CEL: variants seen among roughly 807,000 people sequenced by gnomAD.
CEL encodes bile salt-activated lipase.
A neutral mutation model predicts 57.1 loss-of-function variants in CEL; 39 were observed. The ratio of observed to expected loss-of-function variants is 0.68; its 90% CI spans 0.53 to 0.89. The LOEUF is 0.89. CEL is among the 40% of genes least tolerant of loss of function. The probability of loss-of-function intolerance (pLI) is 0.00; values close to 1 mark genes in which losing one functional copy is unlikely to be tolerated. For missense variants in CEL, 698 were observed against 915.0 expected, an observed-to-expected ratio of 0.76 and a Z score of 3.06; for synonymous variants, 314 against 396.6, an observed-to-expected ratio of 0.79 and a Z score of 2.48.
rs1479878208 is a variant in CEL, at chr9:133,064,444, T to A, written c.107T>A (p.Val36Asp). The change falls in exon 2 of 11, where the codon GTC becomes GAC. Residue 36 changes from valine to aspartate, a missense_variant. Val to Asp is a radical substitution (Grantham distance 152, BLOSUM62 -3). Coordinates refer to ENST00000372080, the MANE Select transcript of CEL (RefSeq NM_001807.6). ...VYTEGGFVEG[V>D]NKKLGLLGDS... ...ACAGAAGGTGGGTTCGTGGAAGGCG[T>A]CAATAAGAAGCTCGGCCTCCTGGGT... The A allele has an allele frequency of 5.0e-6, 8 of 1,613,862 alleles. No homozygotes were observed. The highest frequency in any genetic ancestry group is 6.8e-6 in the Non-Finnish European group (8 of 1,180,004).
chr9:133,065,714 C>CGG (rs1830166819), intron 4 of CEL, among the ~76,000 whole-genome samples: 1 of 151,972 alleles, frequency 6.6e-6, no homozygotes, highest in Non-Finnish European at 1.5e-5. Flanking sequence ...GGCGTGGTGG[C>CGG]GCTTGCCTGT....
In CEL at chr9:133,066,249, C is replaced by T. The variant is rs531956085; in HGVS notation, c.539-281C>T. On this transcript the variant is annotated intron_variant, in intron 4 of 10. Coordinates refer to ENST00000372080, the MANE Select transcript of CEL (RefSeq NM_001807.6). The surrounding 1 kb of genome is among the most constrained non-coding windows in gnomAD (Gnocchi z 4.3). The stretch of plus-strand genomic sequence containing the variant: ...CCACCCCCTCCAGCACCACACCAAC[C>T]CAACCTCCTGGGGACCCACCCCATA... Among the ~76,000 whole-genome samples, 44 of 152,170 alleles carry T rather than the reference C, an allele frequency of 2.9e-4. 1 individual carries two copies. The highest frequency in any genetic ancestry group is 9.4e-4 in the African/African-American group (39 of 41,472).
rs375595842 is a variant in CEL, at chr9:133,066,588, G to A, written c.597G>A (p.Ala199=). 112 of 1,613,846 alleles carry A rather than the reference G, an allele frequency of 6.9e-5. No homozygotes were observed. Among genetic ancestry groups the A allele is most frequent in the Non-Finnish European group, 8.1e-5 (96 of 1,180,038 alleles). Residue 199 remains alanine (A), a synonymous_variant, in exon 5 of 11, where the codon GCG becomes GCA. Transcript: ENST00000372080. This position sits in a 1 kb window ranked among gnomAD's most constrained non-coding sequence, Gnocchi z 4.3. ...TTGCTTGGGTGAAGAGGAATATCGC[G>A]GCCTTCGGGGGGGACCCCAACAACA... ...MAIAWVKRNI[A]AFGGDPNNIT...
intron 1 of CEL, among the ~76,000 whole-genome samples, chr9:133,062,621 C>T (rs1333585372): frequency 1.1e-3 from 154 of 145,998 alleles, no homozygotes; most frequent in Non-Finnish European, 1.2e-3. Flanking sequence ...AAAAATGAAA[C>T]ATACTAAAAA....
rs567325228 is a variant in CEL at position 133,064,082 on chromosome 9, C to T, written c.67-322C>T. On this transcript the variant is annotated intron_variant, in intron 1 of 10. Transcript: ENST00000372080. ...TCTTCCACATGGGGAAACTGAGGATCGGAGTCAAAGCTGGGCGGCCATAGC... is the reference window on the plus strand; with the variant it reads ...TCTTCCACATGGGGAAACTGAGGATTGGAGTCAAAGCTGGGCGGCCATAGC... 1.1e-4 allele frequency among the ~76,000 whole-genome samples: 16 copies of T among 152,330 alleles called. No individual in the cohort carries two copies. The South Asian group carries it at 2.1e-3, about 20-fold the overall frequency.
At position 133,066,476 on chromosome 9, in the gene CEL, A is replaced by C; in HGVS notation, c.539-54A>C. ...CACCTATGCTGATCTCCCCTCCTGG[A>C]GGCCAGGCCTGGGCCACTGGTCTCT... On this transcript the variant is annotated intron_variant, in intron 4 of 10. Transcript: ENST00000372080. This position sits in a 1 kb window ranked among gnomAD's most constrained non-coding sequence, Gnocchi z 4.3. 1.2e-6 allele frequency: 2 copies of C among 1,611,380 alleles called. No individual in the cohort carries two copies. The highest frequency in any genetic ancestry group is 1.7e-6 in the Non-Finnish European group (2 of 1,178,992).
chr9:133,065,601 C>A (rs1049664796), intron 4 of CEL, among the ~76,000 whole-genome samples: 2 of 152,078 alleles, frequency 1.3e-5, no homozygotes, highest in Non-Finnish European at 2.9e-5. Flanking sequence ...AATCCCAGCA[C>A]GTTGGGAGCC....
intron 4 of CEL, 142 bp downstream of exon 4, chr9:133,065,379 A>T: frequency 1.0e-6 from 1 of 966,482 alleles, no homozygotes. Context: ...CATGAGATGC[A>T]GGAGGCCCTT....
In CEL at chr9:133,066,960, GCAGGGCT is replaced by G; in HGVS notation, c.777+16_777+22del. 4 of 1,400,610 alleles carry G rather than the reference GCAGGGCT, an allele frequency of 2.9e-6. No homozygotes were observed. Among genetic ancestry groups the G allele is most frequent in the Non-Finnish European group, 4.0e-6 (4 of 989,092 alleles). The allele number at this position is 1,400,610 out of a possible 1,614,324, so 86.8% of individuals were successfully genotyped here. A position where few individuals can be genotyped will look rare whatever the true frequency, so the allele number is the denominator to read the frequency against. On this transcript the variant is annotated intron_variant, in intron 6 of 10. Coordinates refer to ENST00000372080, the MANE Select transcript of CEL (RefSeq NM_001807.6). The surrounding 1 kb of genome is among the most constrained non-coding windows in gnomAD (Gnocchi z 4.3). ...GGGCCAAAAAGGTAAACGGAGGAGG[GCAGGGCT>G]GGGCGGGGTGGGGGCTGTCCACATT...
intron 1 of CEL, 73 bp from the exon 2 acceptor site, chr9:133,064,331 C>G (rs1475813479): frequency 1.2e-6 from 2 of 1,601,734 alleles, no homozygotes; most frequent in African/African-American, 2.7e-5. Flanking sequence ...GCGGAGTCGG[C>G]TTGCCTTGCC....
At chr9:133,064,606 C>T in intron 2 of CEL, 34 bp from the exon 3 acceptor site, 1 of 1,613,748 alleles carries the variant, frequency 6.2e-7, no homozygotes. Context: ...GTGAGGGCGG[C>T]TGCCTTCCTC....
Position 133,066,625 on chromosome 9 carries a change from G to A in CEL, c.634G>A (p.Gly212Arg), listed in dbSNP as rs764081605. Residue 212 changes from glycine to arginine, a missense_variant, in exon 5 of 11, where the codon GGG becomes AGG. Gly to Arg is a moderately radical substitution (Grantham distance 125). This residue lies in a region of CEL where 327 missense variants were observed against 374.1 expected (regional missense o/e 0.87). Coordinates refer to ENST00000372080, the MANE Select transcript of CEL (RefSeq NM_001807.6). This position sits in a 1 kb window ranked among gnomAD's most constrained non-coding sequence, Gnocchi z 4.3. ...GGDPNNITLF[G>R]ESAGGASVSL... Reference sequence around the variant, plus strand: ...GGACCCCAACAACATCACGCTCTTCGGGGAGTCTGCTGGAGGTGCCAGCGT... The same window carrying A: ...GGACCCCAACAACATCACGCTCTTCAGGGAGTCTGCTGGAGGTGCCAGCGT... The A allele has an allele frequency of 5.6e-6, 9 of 1,613,602 alleles. No individual in the cohort carries two copies. Among genetic ancestry groups the A allele is most frequent in the African/African-American group, 1.3e-5 (1 of 74,904 alleles).
chr9:133,065,052 T>C lies in CEL; in HGVS notation c.353T>C (p.Leu118Pro). Residue 118 changes from leucine (L) to proline (P), a missense_variant, in exon 4 of 11, where the codon CTG becomes CCG. Coordinates refer to ENST00000372080, the MANE Select transcript of CEL (RefSeq NM_001807.6). ...TCCCCCATCTCAGTCTCCCGGGACC[T>C]GCCCGTTATGATCTGGATCTATGGA... ...PQGRKQVSRD[L>P]PVMIWIYGGA... 1.2e-6 allele frequency: 2 copies of C among 1,613,008 alleles called. No homozygotes were observed. The highest frequency in any genetic ancestry group is 1.7e-6 in the Non-Finnish European group (2 of 1,179,968).
chr9:133,070,958 C>T (rs745916010), intron 10 of CEL, 29 bp from the exon 11 acceptor site: 17 of 1,611,238 alleles, frequency 1.1e-5, no homozygotes, highest in African/African-American at 1.3e-5. Flanking sequence ...GAGTCCCCAG[C>T]CCCTGCACAG....
chr9:133,068,007 T>C (rs1282345727), intron 7 of CEL, among the ~76,000 whole-genome samples: 1 of 152,188 alleles, frequency 6.6e-6, no homozygotes, highest in Admixed American at 6.5e-5. Flanking sequence ...CACTCATTCT[T>C]CTATGGCAAC....
chr9:133,065,017 C>A, intron 3 of CEL, 23 bp from the exon 4 acceptor site: 1 of 1,605,984 alleles, frequency 6.2e-7, no homozygotes, highest in South Asian at 1.1e-5. Flanking sequence ...CGTCTGGGGT[C>A]ACCAGCCGCT....
chr9:133,066,519 C>T lies in CEL; in HGVS notation c.539-11C>T, dbSNP rs1006641512. The T allele has an allele frequency of 6.2e-7, 1 of 1,613,866 alleles. No homozygotes were observed. Among genetic ancestry groups the T allele is most frequent in the African/African-American group, 1.3e-5 (1 of 74,938 alleles). On this transcript the variant is annotated splice_polypyrimidine_tract_variant and intron_variant, in intron 4 of 10. Transcript: ENST00000372080. The surrounding 1 kb of genome is among the most constrained non-coding windows in gnomAD (Gnocchi z 4.3). ...TGGTCTCTAGCACCCCCTCCCCTGC[C>T]CTGCCCCCAGGTAACTATGGCCTTC...
At chr9:133,068,414 T>C (rs540606811) in intron 7 of CEL, among the ~76,000 whole-genome samples, 1 of 152,156 alleles carries the variant, frequency 6.6e-6, no homozygotes, top group Non-Finnish European at 1.5e-5. Context: ...TGGGGACGTG[T>C]GGCAGGGCCT....
At chr9:133,070,156 A>G (rs1830238482) in intron 9 of CEL, among the ~76,000 whole-genome samples, 1 of 148,430 alleles carries the variant, frequency 6.7e-6, no homozygotes, top group Admixed American at 6.8e-5. Flanking sequence ...ACCTTGTCCA[A>G]TCTAATTGAA....
Sources: allele counts gnomAD v4.1 joint callset (sites outside exome capture counted in the v4.1 genomes callset), GRCh38; gene constraint gnomAD v4.1.1; regional missense constraint gnomAD v4.1.1; non-coding constraint Gnocchi (gnomAD v3.1); transcripts MANE v1.5; gene names NCBI Gene and HGNC (gene_info 2026-07-23, HGNC 2026-07-21).